The following TFB1M variants were observed in gnomAD, a reference collection of about 807,000 sequenced individuals.
The protein encoded by TFB1M is transcription factor B1, mitochondrial.
A neutral mutation model predicts 31.1 loss-of-function variants in TFB1M; 27 were observed. The ratio of observed to expected loss-of-function variants is 0.87; its 90% confidence interval spans 0.64 to 1.20. TFB1M has a LOEUF of 1.20. Ranked by LOEUF, TFB1M falls within the 50% of genes most tolerant of loss-of-function variation. TFB1M has a pLI of 0.00. For missense variants in TFB1M, 394 were observed against 418.7 expected, an observed-to-expected ratio of 0.94 and a Z score of 0.51; for synonymous variants, 166 against 151.8, an observed-to-expected ratio of 1.09 and a Z score of -0.69.
At chr6:155,281,447 C>T (rs1022572966) in intron 5 of TFB1M, among the ~76,000 whole-genome samples, 5 of 152,158 alleles carry the variant, frequency 3.3e-5, no homozygotes, top group South Asian at 2.1e-4. Context: ...ACTGGCTGGG[C>T]GTGGTGGCTC....
At chr6:155,270,831 C>G (rs1784885046) in intron 5 of TFB1M, among the ~76,000 whole-genome samples, 1 of 152,208 alleles carries the variant, frequency 6.6e-6, no homozygotes. Flanking sequence ...ACTAATGACA[C>G]TGCTGCGACT....
chr6:155,261,987 ATGT>A (rs1784413733), intron 5 of TFB1M, among the ~76,000 whole-genome samples: 1 of 152,172 alleles, frequency 6.6e-6, no homozygotes, highest in African/African-American at 2.4e-5. Context: ...TGTGTGCTAT[ATGT>A]TGTTTCATGT....
chr6:155,308,122 C>T (rs990069159), intron 2 of TFB1M, among the ~76,000 whole-genome samples: 12 of 152,182 alleles, frequency 7.9e-5, no homozygotes, highest in Non-Finnish European at 1.3e-4. Flanking sequence ...CCTCACTCCT[C>T]TCCACAGCAC....
At chr6:155,273,527 T>C (rs1785035662) in intron 5 of TFB1M, among the ~76,000 whole-genome samples, 1 of 152,246 alleles carries the variant, frequency 6.6e-6, no homozygotes, top group Non-Finnish European at 1.5e-5. Flanking sequence ...CTGAGCCATG[T>C]GGCCTATTAA....
chr6:155,254,724 C>T (rs1783891999), downstream of TFB1M: 1 of 977,178 alleles, frequency 1.0e-6, no homozygotes, highest in Non-Finnish European at 1.5e-6. Flanking sequence ...ATGCCTCTTG[C>T]TCCCAGACGT....
chr6:155,294,114 C>T lies in TFB1M; in HGVS notation c.546+2839G>A, dbSNP rs58023351. ...GCTGACAGGGATCAACGAGGGCTGACTTGTGAGTAAATGGAGCTAGGTTAG... is the reference window on the plus strand; with the variant it reads ...GCTGACAGGGATCAACGAGGGCTGATTTGTGAGTAAATGGAGCTAGGTTAG... On this transcript the variant is annotated intron_variant, in intron 4 of 6. Coordinates refer to ENST00000367166, the MANE Select transcript of TFB1M (RefSeq NM_016020.4). Among the ~76,000 whole-genome samples, 1,462 of 152,220 alleles carry T rather than the reference C, an allele frequency of 9.6e-3. 23 individuals are homozygous for T. The highest frequency in any genetic ancestry group is 0.033 in the African/African-American group (1,374 of 41,536).
At chr6:155,241,329 T>C in the TFB1M span, among the ~76,000 whole-genome samples, 3 of 152,330 alleles carry the variant, frequency 2.0e-5, no homozygotes, top group East Asian at 5.8e-4. Context: ...AGAGTTCTTT[T>C]GCTTTGTTTC....
rs1784123179 is a variant in TFB1M, at chr6:155,257,305, G to A, written c.*531C>T. ...TAATTTATTGTGGATCAGAAACCTA[G>A]ATGAAACTGGTCAGAATCTGTAAAT... On this transcript the variant is annotated 3_prime_UTR_variant, in exon 7 of 7. Coordinates refer to ENST00000367166, the MANE Select transcript of TFB1M (RefSeq NM_016020.4). The A allele has an allele frequency of 3.0e-6, 2 of 669,594 alleles. No individual in the cohort carries two copies. Among genetic ancestry groups the A allele is most frequent in the Non-Finnish European group, 4.9e-6 (2 of 410,214 alleles). 41.5% of individuals were successfully genotyped at this position (669,594 alleles called of 1,614,324 possible).
chr6:155,248,687 A>G, the TFB1M span, among the ~76,000 whole-genome samples: 1 of 152,220 alleles, frequency 6.6e-6, no homozygotes, highest in Non-Finnish European at 1.5e-5. Context: ...CTGGTGTGTT[A>G]CTGTTTGAAC....
intron 6 of TFB1M, 87 bp from the exon 7 acceptor site, chr6:155,258,169 A>G: frequency 6.7e-7 from 1 of 1,501,820 alleles, no homozygotes; most frequent in Non-Finnish European, 9.2e-7. Flanking sequence ...TTTGAAAACA[A>G]CACAACACAG....
At chr6:155,281,721 CAAAAAAAA>C (rs1217317032) in intron 5 of TFB1M, among the ~76,000 whole-genome samples, 2 of 63,236 alleles carry the variant, frequency 3.2e-5, no homozygotes, top group African/African-American at 6.0e-5. Flanking sequence ...GACTCTGTCT[CAAAAAAAA>C]AAAAAAAAAA....
intron 2 of TFB1M, among the ~76,000 whole-genome samples, chr6:155,309,061 C>T (rs1481034915): frequency 6.6e-6 from 1 of 152,186 alleles, no homozygotes; most frequent in Non-Finnish European, 1.5e-5. Context: ...GTCAAATATA[C>T]ATTTCCTCTA....
At chr6:155,249,286 A>G in the TFB1M span, among the ~76,000 whole-genome samples, 1 of 152,188 alleles carries the variant, frequency 6.6e-6, no homozygotes, top group Non-Finnish European at 1.5e-5. Context: ...AATGCAAACA[A>G]TTGTTCTGTC....
chr6:155,285,327 T>C (rs1776580442), intron 4 of TFB1M, 50 bp from the exon 5 acceptor site: 6 of 1,608,690 alleles, frequency 3.7e-6, no homozygotes, highest in South Asian at 3.3e-5. Flanking sequence ...CCAGCCTGAT[T>C]AGATGAAAAA....
At chr6:155,303,219 G>C (rs1049013959) in intron 2 of TFB1M, 1 of 152,162 alleles carries the variant, frequency 6.6e-6, no homozygotes, top group Admixed American at 6.5e-5. Flanking sequence ...AATGTATAGG[G>C]ATGCTATATG....
At chr6:155,271,119 G>T (rs566730379) in intron 5 of TFB1M, among the ~76,000 whole-genome samples, 20 of 152,264 alleles carry the variant, frequency 1.3e-4, no homozygotes, top group Admixed American at 7.2e-4. Context: ...ACATGTGTTT[G>T]TTTATTTACT....
the TFB1M span, among the ~76,000 whole-genome samples, chr6:155,242,659 T>G: frequency 6.6e-6 from 1 of 152,228 alleles, no homozygotes; most frequent in Non-Finnish European, 1.5e-5. Context: ...TTCTAGTATT[T>G]TAGGACTCAA....
At chr6:155,231,451 A>G in the TFB1M span, among the ~76,000 whole-genome samples, 2 of 152,236 alleles carry the variant, frequency 1.3e-5, no homozygotes, top group African/African-American at 4.8e-5. Flanking sequence ...ATCACTATAA[A>G]ATGAATGGTT....
At chr6:155,299,017 C>G (rs1283051293) in intron 2 of TFB1M, among the ~76,000 whole-genome samples, 1 of 152,016 alleles carries the variant, frequency 6.6e-6, no homozygotes, top group African/African-American at 2.4e-5. Context: ...AATATATATA[C>G]AAAGGATTCT....
Sources: allele counts gnomAD v4.1 joint callset (sites outside exome capture counted in the v4.1 genomes callset), GRCh38; gene constraint gnomAD v4.1.1; transcripts MANE v1.5; gene names NCBI Gene and HGNC (gene_info 2026-07-23, HGNC 2026-07-21).